CLDN16: variants seen among roughly 807,000 people sequenced by gnomAD.
The protein encoded by CLDN16 is claudin 16.
CLDN16 carries 13 observed loss-of-function variants against 24.6 expected under a neutral mutation model. That is an observed-to-expected ratio of 0.53 (90% CI 0.34 to 0.84). The LOEUF is 0.84. CLDN16 is among the 40% of genes least tolerant of loss of function. The pLI is 0.01. For missense variants in CLDN16, 298 were observed against 292.7 expected, an observed-to-expected ratio of 1.02 and a Z score of -0.13; for synonymous variants, 116 against 106.7, an observed-to-expected ratio of 1.09 and a Z score of -0.54.
chr3:190,292,567 A>G, the CLDN16 span, among the ~76,000 whole-genome samples: 1 of 152,204 alleles, frequency 6.6e-6, no homozygotes, highest in Admixed American at 6.5e-5. Context: ...AAATTTCTGC[A>G]GCTGGCTTGA....
chr3:190,369,915 A>T (rs1171990292), intron 1 of CLDN16, among the ~76,000 whole-genome samples: 3 of 152,014 alleles, frequency 2.0e-5, no homozygotes, highest in Non-Finnish European at 4.4e-5. Context: ...GTCTGAGTAG[A>T]TGAAACCTGT....
At position 190,409,968 on chromosome 3, in the gene CLDN16, A is replaced by G. The variant is rs1475042783; in HGVS notation, c.640A>G (p.Met214Val). Residue 214 changes from methionine (M) to valine (V), a missense_variant, in exon 5 of 5, where the codon ATG becomes GTG. Physicochemically the swap from Met to Val is conservative, Grantham distance 21 (BLOSUM62 1). Coordinates refer to ENST00000264734, the MANE Select transcript of CLDN16 (RefSeq NM_006580.4). ...RKAYSAAGVS[M>V]AKSYSAPRTE... ...AGCCTATTCAGCCGCGGGTGTTTCCATGGCCAAGTCATACTCAGCCCCTCG... is the reference window on the plus strand; with the variant it reads ...AGCCTATTCAGCCGCGGGTGTTTCCGTGGCCAAGTCATACTCAGCCCCTCG... 6.2e-7 allele frequency: 1 copy of G among 1,614,034 alleles called. No homozygotes were observed. Among genetic ancestry groups the G allele is most frequent in the South Asian group, 1.1e-5 (1 of 91,090 alleles).
intron 1 of CLDN16, among the ~76,000 whole-genome samples, chr3:190,400,150 T>C (rs1458565780): frequency 6.6e-6 from 1 of 152,302 alleles, no homozygotes; most frequent in East Asian, 1.9e-4. Flanking sequence ...GCTGCAATTT[T>C]GTATCTCTTA....
chr3:190,337,734 T>C (rs1362914570), intron 1 of CLDN16, among the ~76,000 whole-genome samples: 1 of 152,224 alleles, frequency 6.6e-6, no homozygotes, highest in East Asian at 1.9e-4. Flanking sequence ...TCCTAGGATG[T>C]GTTTGCCTTT....
intron 1 of CLDN16, among the ~76,000 whole-genome samples, chr3:190,333,541 T>C (rs1238840957): frequency 1.1e-5 from 1 of 87,068 alleles, no homozygotes; most frequent in Non-Finnish European, 2.4e-5. Flanking sequence ...CATCTATCTA[T>C]CTATCTATCT....
At chr3:190,378,665 G>T (rs563066239) in intron 3 of CLDN16, among the ~76,000 whole-genome samples, 1 of 152,022 alleles carries the variant, frequency 6.6e-6, no homozygotes, top group African/African-American at 2.4e-5. Context: ...ACAAGTAACA[G>T]GTGAAATGGA....
chr3:190,375,086 A>G (rs1014393001), intron 3 of CLDN16, among the ~76,000 whole-genome samples: 3 of 151,972 alleles, frequency 2.0e-5, no homozygotes, highest in Non-Finnish European at 4.4e-5. Flanking sequence ...TTATTTGTCT[A>G]TCTCCTGCAC....
upstream of CLDN16, among the ~76,000 whole-genome samples, chr3:190,319,095 G>A (rs779357909): frequency 3.9e-5 from 6 of 152,058 alleles, no homozygotes; most frequent in Non-Finnish European, 8.8e-5. Flanking sequence ...CCACCATGCA[G>A]CCTCCTACAG....
intron 1 of CLDN16, 48 bp from the exon 2 acceptor site, chr3:190,402,289 A>G: frequency 7.1e-7 from 1 of 1,400,750 alleles, no homozygotes. Flanking sequence ...GGGGAACTGA[A>G]CTGTGCCTGC....
chr3:190,312,852 G>T, the CLDN16 span: 14 of 1,613,292 alleles, frequency 8.7e-6, no homozygotes, highest in East Asian at 2.7e-4. Flanking sequence ...AAGGTGAAAG[G>T]GGGGCACAGC....
Position 190,407,826 on chromosome 3 carries a change from T to C in CLDN16, c.383-488T>C, listed in dbSNP as rs530961991. The stretch of plus-strand genomic sequence containing the variant: ...AAACAGTTTTCACATGGGTGCTGAT[T>C]ACGTAGCTGGCATAGCTTCAAAAGG... On this transcript the variant is annotated intron_variant, in intron 3 of 4. Transcript: ENST00000264734. Among the ~76,000 whole-genome samples, 8 of 152,334 alleles carry C rather than the reference T, an allele frequency of 5.3e-5. No homozygotes were observed. In the South Asian group the frequency reaches 1.7e-3, roughly 32 times the overall value.
At chr3:190,304,734 G>A in the CLDN16 span, among the ~76,000 whole-genome samples, 2 of 152,100 alleles carry the variant, frequency 1.3e-5, no homozygotes, top group African/African-American at 2.4e-5. Flanking sequence ...GACATTACAC[G>A]TGAGCCACAT....
the CLDN16 span, among the ~76,000 whole-genome samples, chr3:190,297,616 TATAATATA>T: frequency 7.4e-6 from 1 of 135,326 alleles, no homozygotes; most frequent in Non-Finnish European, 1.6e-5. Context: ...CTATAATATC[TATAATATA>T]ATATATAATA....
At chr3:190,374,331 G>C (rs1310384940) in intron 2 of CLDN16, among the ~76,000 whole-genome samples, 1 of 148,460 alleles carries the variant, frequency 6.7e-6, no homozygotes, top group Non-Finnish European at 1.5e-5. Context: ...CTGAAGCAGA[G>C]TCAGAGACCC....
intron 1 of CLDN16, among the ~76,000 whole-genome samples, chr3:190,350,943 T>C (rs1045357131): frequency 2.0e-5 from 3 of 152,160 alleles, no homozygotes; most frequent in Non-Finnish European, 4.4e-5. Flanking sequence ...TGGAGGTGTG[T>C]CTCCGCCAAA....
At position 190,355,260 on chromosome 3, in the gene CLDN16, T is replaced by C. The variant is rs1419533287; in HGVS notation, n.122-15633T>C. Among the ~76,000 whole-genome samples the C allele has an allele frequency of 4.6e-5, 7 of 152,108 alleles. No individual in the cohort carries two copies. In the East Asian group the frequency reaches 9.7e-4, roughly 21 times the overall value. On this transcript the variant is annotated intron_variant and non_coding_transcript_variant, in intron 1 of 4. Coordinates refer to the CLDN16 transcript ENST00000468220. ...AGACTAAGAATCATTTGTTTTTTAG[T>C]TGTTGATGTCTTTAACTTTGTTTTT...
At chr3:190,381,652 T>A (rs1718375367) in intron 3 of CLDN16, among the ~76,000 whole-genome samples, 2 of 152,082 alleles carry the variant, frequency 1.3e-5, no homozygotes, top group African/African-American at 4.8e-5. Context: ...TTCTATTTTA[T>A]TGTGTTAGGT....
chr3:190,323,033 C>CACACACAG (rs1425227332), intron 1 of CLDN16, among the ~76,000 whole-genome samples: 1 of 151,944 alleles, frequency 6.6e-6, no homozygotes, highest in Non-Finnish European at 1.5e-5. Context: ...CACACAGACA[C>CACACACAG]ACTCACGCAC....
intron 3 of CLDN16, among the ~76,000 whole-genome samples, chr3:190,378,282 T>C (rs566741586): frequency 2.0e-5 from 3 of 151,346 alleles, no homozygotes; most frequent in Non-Finnish European, 4.4e-5. Flanking sequence ...TGAAGGAGGG[T>C]CTCAGTAGGT....
Sources: allele counts gnomAD v4.1 joint callset (sites outside exome capture counted in the v4.1 genomes callset), GRCh38; gene constraint gnomAD v4.1.1; transcripts MANE v1.5; gene names NCBI Gene and HGNC (gene_info 2026-07-23, HGNC 2026-07-21).